The following NKAIN3 variants were observed in gnomAD, a reference collection of about 807,000 sequenced individuals.
The protein encoded by NKAIN3 is sodium/potassium-transporting ATPase subunit beta-1-interacting protein 3.
In NKAIN3, 25 loss-of-function variants were observed where a neutral mutation model predicts 30.2. That is an observed-to-expected ratio of 0.83 (90% CI 0.60 to 1.16). NKAIN3 has a LOEUF of 1.16. NKAIN3 is among the 50% of genes most tolerant of loss of function. The pLI is 0.00. For missense variants in NKAIN3, 225 were observed against 254.1 expected, an observed-to-expected ratio of 0.89 and a Z score of 0.78; for synonymous variants, 91 against 89.6, an observed-to-expected ratio of 1.02 and a Z score of -0.09.
intron 3 of NKAIN3, among the ~76,000 whole-genome samples, chr8:62,696,731 G>T (rs1267523667): frequency 6.6e-6 from 1 of 152,068 alleles, no homozygotes; most frequent in Non-Finnish European, 1.5e-5. Context: ...ATGTGAGGAA[G>T]ATATTTCTGA....
intron 4 of NKAIN3, among the ~76,000 whole-genome samples, chr8:62,815,481 G>A (rs1214971038): frequency 6.6e-6 from 1 of 152,096 alleles, no homozygotes; most frequent in Non-Finnish European, 1.5e-5. Context: ...ATAAAATACT[G>A]GCAAACTGAA....
At chr8:62,400,701 G>GTTT (rs59358606) in intron 1 of NKAIN3, among the ~76,000 whole-genome samples, 164 of 148,454 alleles carry the variant, frequency 1.1e-3, no homozygotes, top group African/African-American at 3.9e-3. Context: ...AAAGTTAACA[G>GTTT]TTTTTTTTTT....
chr8:62,943,524 C>CTCAAAAAAGAATAG (rs1823029883), intron 5 of NKAIN3, among the ~76,000 whole-genome samples: 1 of 151,886 alleles, frequency 6.6e-6, no homozygotes, highest in African/African-American at 2.4e-5. Context: ...TTTGATCCAG[C>CTCAAAAAAGAATAG]AATCCCACTA....
intron 2 of NKAIN3, 51 bp from the exon 3 acceptor site, chr8:62,589,663 C>T: frequency 1.3e-6 from 1 of 778,752 alleles, no homozygotes; most frequent in South Asian, 1.7e-5. Flanking sequence ...ATATACATGC[C>T]TTTCATCTCC....
chr8:62,290,494 A>G (rs939238282), intron 1 of NKAIN3, among the ~76,000 whole-genome samples: 2 of 152,096 alleles, frequency 1.3e-5, no homozygotes, highest in African/African-American at 4.8e-5. Flanking sequence ...GCATCTATTG[A>G]GATAATCATG....
intron 5 of NKAIN3, among the ~76,000 whole-genome samples, chr8:62,992,903 G>A (rs1302799904): frequency 6.6e-6 from 1 of 152,132 alleles, no homozygotes; most frequent in Non-Finnish European, 1.5e-5. Context: ...TCAGAGGCCA[G>A]TCCAAAAGGA....
At chr8:62,720,289 C>T (rs1460003180) in intron 3 of NKAIN3, among the ~76,000 whole-genome samples, 1 of 152,106 alleles carries the variant, frequency 6.6e-6, no homozygotes. Context: ...CACATTTATA[C>T]ATTTACATTA....
intron 4 of NKAIN3, among the ~76,000 whole-genome samples, chr8:62,802,069 A>G (rs1437920231): frequency 1.3e-5 from 2 of 152,212 alleles, no homozygotes; most frequent in East Asian, 1.9e-4. Context: ...AGTTTAGAGA[A>G]AAAAGAATAA....
intron 4 of NKAIN3, among the ~76,000 whole-genome samples, chr8:62,751,845 T>C (rs1816294477): frequency 1.3e-5 from 2 of 152,074 alleles, no homozygotes; most frequent in Admixed American, 1.3e-4. Context: ...TGTGTGTATG[T>C]GTTACTGAGA....
intron 3 of NKAIN3, among the ~76,000 whole-genome samples, chr8:62,631,295 T>A (rs534076119): frequency 1.3e-5 from 2 of 152,268 alleles, no homozygotes; most frequent in South Asian, 4.1e-4. Context: ...TGTCTTAACA[T>A]GTCAGAGATT....
chr8:62,680,927 G>T (rs968865415), intron 3 of NKAIN3, among the ~76,000 whole-genome samples: 2 of 152,144 alleles, frequency 1.3e-5, no homozygotes, highest in African/African-American at 4.8e-5. Context: ...AGTGAATCGA[G>T]CAACCTCATA....
At chr8:62,369,211 T>A (rs576199308) in intron 1 of NKAIN3, among the ~76,000 whole-genome samples, 2 of 142,812 alleles carry the variant, frequency 1.4e-5, no homozygotes, top group Non-Finnish European at 2.9e-5. Flanking sequence ...ACTATGAAAG[T>A]TTTTTCTGTT....
At chr8:62,667,187 T>C (rs1277964655) in intron 3 of NKAIN3, among the ~76,000 whole-genome samples, 1 of 149,824 alleles carries the variant, frequency 6.7e-6, no homozygotes, top group Middle Eastern at 3.3e-3. Context: ...TTAGGAGATA[T>C]ACCAAATGTA....
chr8:62,276,748 G>T (rs1440141882), intron 1 of NKAIN3, among the ~76,000 whole-genome samples: 2 of 152,182 alleles, frequency 1.3e-5, no homozygotes, highest in East Asian at 3.9e-4. Context: ...ATTACTAGCA[G>T]TCATGCTTTG....
chr8:62,367,392 T>G (rs1816768333), intron 1 of NKAIN3, among the ~76,000 whole-genome samples: 1 of 152,182 alleles, frequency 6.6e-6, no homozygotes, highest in African/African-American at 2.4e-5. Context: ...TGATTTATTT[T>G]GGGGCTGCAA....
intron 1 of NKAIN3, among the ~76,000 whole-genome samples, chr8:62,440,234 A>G (rs1805284123): frequency 6.6e-6 from 1 of 152,148 alleles, no homozygotes; most frequent in Non-Finnish European, 1.5e-5. Context: ...AGTCCAACCC[A>G]AACTAAAGGT....
intron 4 of NKAIN3, among the ~76,000 whole-genome samples, chr8:62,804,174 T>C (rs1030644435): frequency 5.3e-5 from 8 of 152,204 alleles, no homozygotes; most frequent in African/African-American, 1.9e-4. Context: ...AGCAGAATTC[T>C]ACCAGAGGTA....
intron 4 of NKAIN3, among the ~76,000 whole-genome samples, chr8:62,864,745 G>C (rs1820367867): frequency 6.6e-6 from 1 of 152,110 alleles, no homozygotes; most frequent in African/African-American, 2.4e-5. Flanking sequence ...AACCCGGGAG[G>C]CTGACTTGTT....
intron 3 of NKAIN3, among the ~76,000 whole-genome samples, chr8:62,605,178 T>A (rs1472517309): frequency 6.6e-6 from 1 of 152,118 alleles, no homozygotes; most frequent in African/African-American, 2.4e-5. Context: ...AAGTCTCATG[T>A]AGGTCTTAAT....
Sources: gnomAD v4.1 joint callset for allele counts (sites outside exome capture counted in the v4.1 genomes callset) on GRCh38, gnomAD v4.1.1 for gene constraint, MANE v1.5 for transcripts, NCBI Gene and HGNC (gene_info 2026-07-23, HGNC 2026-07-21) for gene names.